The following SUMF1 variants were observed in gnomAD, a reference collection of about 807,000 sequenced individuals.
The protein encoded by SUMF1 is formylglycine-generating enzyme.
In SUMF1, 48 loss-of-function variants were observed where a neutral mutation model predicts 47.6. That is an observed-to-expected ratio of 1.01 (90% CI 0.80 to 1.28). SUMF1 has a LOEUF of 1.28. SUMF1 is among the 50% of genes most tolerant of loss of function. SUMF1 has a pLI of 0.00. For synonymous variants in SUMF1, 230 were observed against 192.1 expected (o/e 1.20, Z -1.63); for missense variants, 571 against 485.4 (o/e 1.18, Z -1.66).
chr3:4,221,414 G>GGT (rs113359661), intron 8 of SUMF1, among the ~76,000 whole-genome samples: 4,743 of 148,136 alleles, frequency 0.032, 117 homozygotes, highest in African/African-American at 0.066. Flanking sequence ...GGTTTTTTGG[G>GGT]GTGTGTGTGT....
At chr3:4,207,990 C>T (rs1460645119) in intron 8 of SUMF1, among the ~76,000 whole-genome samples, 3 of 152,104 alleles carry the variant, frequency 2.0e-5, no homozygotes, top group Non-Finnish European at 2.9e-5. Context: ...AGGAGCTCTA[C>T]AAAACTCTCA....
intron 8 of SUMF1, among the ~76,000 whole-genome samples, chr3:4,174,251 G>A (rs1455163280): frequency 1.3e-5 from 2 of 151,160 alleles, no homozygotes; most frequent in African/African-American, 4.9e-5. Context: ...AGCTACTCGG[G>A]AGGCTGAGGC....
intron 8 of SUMF1, among the ~76,000 whole-genome samples, chr3:4,298,340 A>G (rs1401526283): frequency 6.6e-6 from 1 of 152,230 alleles, no homozygotes; most frequent in East Asian, 1.9e-4. Flanking sequence ...AAGATTGGTT[A>G]TATCAGCCTG....
intron 8 of SUMF1, among the ~76,000 whole-genome samples, chr3:4,211,157 TACATATATATACAC>T (rs1291976274): frequency 3.1e-5 from 4 of 130,660 alleles, no homozygotes; most frequent in African/African-American, 1.2e-4. Flanking sequence ...TACATATATA[TACATATATATACAC>T]ACATATATAT....
intron 8 of SUMF1, among the ~76,000 whole-genome samples, chr3:4,319,638 T>C (rs527712120): frequency 1.3e-5 from 2 of 152,242 alleles, no homozygotes; most frequent in African/African-American, 4.8e-5. Context: ...GTCATTTCTA[T>C]GGGACAGTTG....
chr3:4,427,216 C>T (rs1461541488), intron 3 of SUMF1, among the ~76,000 whole-genome samples: 1 of 152,182 alleles, frequency 6.6e-6, no homozygotes, highest in Non-Finnish European at 1.5e-5. Flanking sequence ...TTTACAACTG[C>T]TCTCTTAAAA....
intron 8 of SUMF1, among the ~76,000 whole-genome samples, chr3:4,332,738 T>C (rs900604885): frequency 2.0e-5 from 3 of 152,186 alleles, no homozygotes; most frequent in African/African-American, 7.2e-5. Context: ...AGGGAAATAC[T>C]GGGTAGAAGA....
chr3:4,242,596 A>G (rs1696565428), intron 8 of SUMF1, among the ~76,000 whole-genome samples: 1 of 152,142 alleles, frequency 6.6e-6, no homozygotes, highest in Non-Finnish European at 1.5e-5. Context: ...TATATGTTGA[A>G]CCAGCTTTGC....
intron 8 of SUMF1, among the ~76,000 whole-genome samples, chr3:4,136,027 T>A (rs1174157183): frequency 2.0e-5 from 3 of 152,108 alleles, no homozygotes; most frequent in Non-Finnish European, 4.4e-5. Context: ...GAACAATCAA[T>A]ATTGTGAAAA....
chr3:4,458,912 G>C (rs2079738325), intron 1 of SUMF1, among the ~76,000 whole-genome samples: 1 of 152,098 alleles, frequency 6.6e-6, no homozygotes, highest in Non-Finnish European at 1.5e-5. Flanking sequence ...TGAACCTAGT[G>C]GACAGTATGC....
intron 8 of SUMF1, among the ~76,000 whole-genome samples, chr3:4,270,387 T>C (rs1697279373): frequency 6.6e-6 from 1 of 151,884 alleles, no homozygotes; most frequent in Admixed American, 6.6e-5. Context: ...TCACTTCTCT[T>C]CTCTCTTTGC....
intron 8 of SUMF1, among the ~76,000 whole-genome samples, chr3:4,122,294 T>C (rs1042648018): frequency 2.0e-5 from 3 of 152,212 alleles, no homozygotes; most frequent in African/African-American, 7.2e-5. Context: ...AGAAGCCATA[T>C]ACAAAGGTCA....
intron 8 of SUMF1, among the ~76,000 whole-genome samples, chr3:4,120,121 G>T (rs951957300): frequency 2.0e-5 from 3 of 152,098 alleles, no homozygotes; most frequent in African/African-American, 7.2e-5. Flanking sequence ...CCAGTCTCAG[G>T]AAGTCCATCT....
chr3:4,400,262 A>T (rs1701167598), intron 7 of SUMF1, among the ~76,000 whole-genome samples: 1 of 152,174 alleles, frequency 6.6e-6, no homozygotes, highest in African/African-American at 2.4e-5. Flanking sequence ...AAATTTCCCC[A>T]TGGCCTTTCC....
chr3:4,160,712 C>T (rs372915304), intron 8 of SUMF1, among the ~76,000 whole-genome samples: 18 of 152,008 alleles, frequency 1.2e-4, no homozygotes, highest in African/African-American at 4.1e-4. Flanking sequence ...TGATAGGATT[C>T]TGAATTCCTT....
At chr3:4,042,467 G>A (rs904904097) in intron 9 of SUMF1, among the ~76,000 whole-genome samples, 3 of 152,118 alleles carry the variant, frequency 2.0e-5, no homozygotes, top group Non-Finnish European at 4.4e-5. Context: ...CTTGTACAAA[G>A]ACCATTACAA....
At chr3:4,137,671 T>TTTTCTAC (rs1693972521) in intron 8 of SUMF1, among the ~76,000 whole-genome samples, 1 of 152,006 alleles carries the variant, frequency 6.6e-6, no homozygotes, top group Non-Finnish European at 1.5e-5. Flanking sequence ...CTCAACCTGA[T>TTTTCTAC]AAAGGGAATC....
chr3:4,466,891 TC>T (rs2079962711), intron 1 of SUMF1, 84 bp downstream of exon 1: 1 of 1,539,906 alleles, frequency 6.5e-7, no homozygotes, highest in African/African-American at 1.4e-5. Flanking sequence ...TTACTTCCCT[TC>T]CTACTAGTGC....
chr3:4,379,903 G>A (rs2124869079), intron 7 of SUMF1, among the ~76,000 whole-genome samples: 1 of 148,984 alleles, frequency 6.7e-6, no homozygotes, highest in East Asian at 2.0e-4. Context: ...AGCCCTAGCA[G>A]ATTAATCCAG....
Sources: gnomAD v4.1 joint callset for allele counts (sites outside exome capture counted in the v4.1 genomes callset) on GRCh38, gnomAD v4.1.1 for gene constraint, MANE v1.5 for transcripts, NCBI Gene and HGNC (gene_info 2026-07-23, HGNC 2026-07-21) for gene names.